FAM163A: variants seen among roughly 807,000 people sequenced by gnomAD.
The protein encoded by FAM163A is family with sequence similarity 163 member A.
Under a neutral mutation model 12.0 loss-of-function variants are expected in FAM163A, and 7 were observed. The observed-to-expected ratio is 0.58, with a 90% CI of 0.33 to 1.10. The LOEUF (loss-of-function observed/expected upper bound fraction) is 1.10. Ranked by LOEUF, FAM163A falls within the 50% of genes least tolerant of loss-of-function variation. The pLI is 0.03. For synonymous variants in FAM163A, 101 were observed against 91.0 expected, an observed-to-expected ratio of 1.11 and a Z score of -0.62; for missense variants, 202 against 218.6, an observed-to-expected ratio of 0.92 and a Z score of 0.48.
intron 1 of FAM163A, among the ~76,000 whole-genome samples, chr1:179,777,216 A>C (rs1250967011): frequency 6.6e-6 from 1 of 152,200 alleles, no homozygotes; most frequent in Non-Finnish European, 1.5e-5. Context: ...TTCTGGGTAT[A>C]CACCTAAGAA....
intron 1 of FAM163A, among the ~76,000 whole-genome samples, chr1:179,792,283 T>TTTTTTG (rs1446542447): frequency 1.3e-4 from 17 of 133,658 alleles, no homozygotes; most frequent in African/African-American, 4.8e-4. Context: ...CCATATCTGA[T>TTTTTTG]TGTGTGTGTG....
the FAM163A span, among the ~76,000 whole-genome samples, chr1:179,736,775 A>C: frequency 6.6e-6 from 1 of 152,040 alleles, no homozygotes; most frequent in Admixed American, 6.6e-5. Flanking sequence ...GCACCACTGC[A>C]CTCTAGCCTG....
intron 1 of FAM163A, among the ~76,000 whole-genome samples, chr1:179,760,730 G>A (rs1404024202): frequency 1.3e-5 from 2 of 152,202 alleles, no homozygotes; most frequent in African/African-American, 2.4e-5. Flanking sequence ...GAAGTGTGGG[G>A]CCTCCAGCAC....
At chr1:179,733,728 C>T in the FAM163A span, among the ~76,000 whole-genome samples, 1 of 152,148 alleles carries the variant, frequency 6.6e-6, no homozygotes, top group African/African-American at 2.4e-5. Context: ...GGCACAAAGA[C>T]AACTCCCTCC....
At chr1:179,769,649 C>T (rs1207782744) in intron 1 of FAM163A, among the ~76,000 whole-genome samples, 1 of 152,266 alleles carries the variant, frequency 6.6e-6, no homozygotes, top group East Asian at 1.9e-4. Flanking sequence ...GCTGCGGGAA[C>T]GGCACCAGCA....
the FAM163A span, among the ~76,000 whole-genome samples, chr1:179,734,381 G>A: frequency 6.6e-6 from 1 of 152,276 alleles, no homozygotes; most frequent in Non-Finnish European, 1.5e-5. Context: ...TGGCAGACTT[G>A]GCCAAATGGA....
At chr1:179,772,218 C>T (rs1212020357) in intron 1 of FAM163A, among the ~76,000 whole-genome samples, 1 of 152,204 alleles carries the variant, frequency 6.6e-6, no homozygotes, top group Non-Finnish European at 1.5e-5. Flanking sequence ...CCTCTGCCAC[C>T]TTCCTTTCCT....
intron 1 of FAM163A, among the ~76,000 whole-genome samples, chr1:179,786,242 A>G (rs1206710850): frequency 2.6e-5 from 4 of 152,190 alleles, no homozygotes; most frequent in Non-Finnish European, 5.9e-5. Context: ...CCTGGAGTGG[A>G]TGCTCCTTCC....
chr1:179,768,726 C>A (rs993253111), intron 1 of FAM163A, among the ~76,000 whole-genome samples: 3 of 152,158 alleles, frequency 2.0e-5, no homozygotes, highest in Admixed American at 6.5e-5. Flanking sequence ...CTGCCTCAGC[C>A]TCCCAAGTAG....
chr1:179,779,464 CT>C lies in FAM163A; in HGVS notation c.-135-28332del, dbSNP rs371253137. ...GTGGGATTTGGGACTGTGGGTGACT[CT>C]TGGCCAGCATAGAGACCTGCTCCCT... On this transcript the variant is annotated intron_variant, in intron 1 of 4. Coordinates refer to ENST00000341785, the MANE Select transcript of FAM163A (RefSeq NM_173509.3). Among the ~76,000 whole-genome samples, 72 of 152,248 alleles carry C rather than the reference CT, an allele frequency of 4.7e-4. 1 individual carries two copies. In the East Asian group the frequency reaches 0.012, roughly 26 times the overall value.
intron 1 of FAM163A, among the ~76,000 whole-genome samples, chr1:179,785,493 C>G (rs765363842): frequency 6.6e-6 from 1 of 152,144 alleles, no homozygotes; most frequent in South Asian, 2.1e-4. Context: ...TTCTGAGCCT[C>G]CAGCAGCCCA....
intron 1 of FAM163A, among the ~76,000 whole-genome samples, chr1:179,801,630 T>A (rs1364041493): frequency 6.6e-6 from 1 of 152,216 alleles, no homozygotes; most frequent in Non-Finnish European, 1.5e-5. Context: ...AGATCATTAA[T>A]TGTCCAAAGT....
the FAM163A span, among the ~76,000 whole-genome samples, chr1:179,736,494 T>C: frequency 2.6e-3 from 401 of 152,186 alleles, 10 homozygotes; most frequent in Admixed American, 0.025. Flanking sequence ...TCAAACCTGT[T>C]AGGGTGGTGC....
intron 1 of FAM163A, among the ~76,000 whole-genome samples, chr1:179,801,980 G>C (rs933188174): frequency 6.6e-6 from 1 of 152,180 alleles, no homozygotes; most frequent in Admixed American, 6.5e-5. Flanking sequence ...CCTTAGGAAG[G>C]CCAAACAAAA....
Position 179,789,624 on chromosome 1 carries a change from G to A in FAM163A, c.-135-18174G>A, listed in dbSNP as rs951864208. The stretch of plus-strand genomic sequence containing the variant: ...GAGGTATCTCTTAAAAGAGAAGGGT[G>A]GAGAATGTCCTGGGCATGAGCTGCA... On this transcript the variant is annotated intron_variant, in intron 1 of 4. Transcript: ENST00000341785. Among the ~76,000 whole-genome samples the A allele has an allele frequency of 2.0e-5, 3 of 152,206 alleles. No homozygotes were observed. The South Asian group carries it at 6.2e-4, about 31-fold the overall frequency.
chr1:179,745,001 G>A (rs1266046586), intron 1 of FAM163A, among the ~76,000 whole-genome samples: 1 of 152,228 alleles, frequency 6.6e-6, no homozygotes, highest in African/African-American at 2.4e-5. Context: ...TGTAACAGAC[G>A]TTCAGACCCT....
chr1:179,747,372 C>T (rs2245195), intron 1 of FAM163A, among the ~76,000 whole-genome samples: 93,533 of 151,998 alleles, frequency 0.62, 29,545 homozygotes, highest in African/African-American at 0.76. Context: ...GCCTGGAAGC[C>T]GATGGATACA....
upstream of FAM163A, among the ~76,000 whole-genome samples, chr1:179,739,079 C>T (rs1039990450): frequency 3.6e-4 from 55 of 151,886 alleles, no homozygotes; most frequent in African/African-American, 9.7e-4. Context: ...ACAAATGATG[C>T]CAGAGCAACT....
At chr1:179,759,364 C>T (rs1686476826) in intron 1 of FAM163A, among the ~76,000 whole-genome samples, 1 of 150,194 alleles carries the variant, frequency 6.7e-6, no homozygotes, top group African/African-American at 2.5e-5. Flanking sequence ...TACTGTTGAA[C>T]AATATAAAGA....
Sources: gnomAD v4.1 joint callset for allele counts (sites outside exome capture counted in the v4.1 genomes callset) on GRCh38, gnomAD v4.1.1 for gene constraint, MANE v1.5 for transcripts, NCBI Gene and HGNC (gene_info 2026-07-23, HGNC 2026-07-21) for gene names.